DISC1: variants seen among roughly 807,000 people sequenced by gnomAD.
DISC1 encodes the protein disrupted in schizophrenia 1 protein.
In DISC1, 57 loss-of-function variants were observed where a neutral mutation model predicts 84.5. The ratio of observed to expected loss-of-function variants is 0.67; its 90% CI spans 0.55 to 0.84. DISC1 has a LOEUF of 0.84. Among genes scored for constraint, DISC1 ranks in the 40% least tolerant of loss-of-function variants. The pLI is 0.00. For synonymous variants in DISC1, 411 were observed against 415.2 expected (o/e 0.99, Z 0.12); for missense variants, 1,000 against 1,057.8 (o/e 0.95, Z 0.76).
intron 10 of DISC1, among the ~76,000 whole-genome samples, chr1:231,983,939 T>A (rs1185073672): frequency 6.6e-6 from 1 of 152,180 alleles, no homozygotes; most frequent in East Asian, 1.9e-4. Flanking sequence ...CCAATTCCAA[T>A]GAAATAGATA....
intron 6 of DISC1, among the ~76,000 whole-genome samples, chr1:231,775,265 A>C (rs2812389): frequency 6.6e-6 from 1 of 152,066 alleles, no homozygotes; most frequent in Admixed American, 6.5e-5. Context: ...CGACCCAACA[A>C]CTTGAAAAGA....
intron 9 of DISC1, among the ~76,000 whole-genome samples, chr1:231,918,861 G>A (rs2089817978): frequency 6.6e-6 from 1 of 152,138 alleles, no homozygotes; most frequent in African/African-American, 2.4e-5. Flanking sequence ...GCCCACCTCC[G>A]GAAACCACAG....
rs558308639 is a variant in DISC1, at chr1:231,878,965, G to C, written c.1981+60448G>C. 7.2e-4 allele frequency among the ~76,000 whole-genome samples: 110 copies of C among 152,284 alleles called. 1 individual carries two copies. Among genetic ancestry groups the C allele is most frequent in the Non-Finnish European group, 1.4e-3 (97 of 68,022 alleles). On this transcript the variant is annotated intron_variant, in intron 9 of 12. Transcript: ENST00000439617. ...TACTTATAGCCATAAATCACTGTGTGAATAGACCATGATTTAATTATCAGT... is the reference window on the plus strand; with the variant it reads ...TACTTATAGCCATAAATCACTGTGTCAATAGACCATGATTTAATTATCAGT...
rs2058627361 is a variant in DISC1 at position 231,630,463 on chromosome 1, C to A, written c.67+3529C>A. ...GTGAACCATTGCACCTGGCCAGAAT[C>A]ATTCTTTTGATAATAATGATGGTAA... On this transcript the variant is annotated intron_variant, in intron 1 of 12. Transcript: ENST00000439617. This position sits in a 1 kb window ranked among gnomAD's most constrained non-coding sequence, Gnocchi z 4.4. Among the ~76,000 whole-genome samples, 1 of 151,996 alleles carries A rather than the reference C, an allele frequency of 6.6e-6. No homozygotes were observed. The highest frequency in any genetic ancestry group is 2.1e-4 in the South Asian group (1 of 4,816).
rs776775277 is a variant in DISC1, at chr1:231,694,572, C to T, written c.814C>T (p.Arg272Trp). Reference sequence around the variant, plus strand: ...TCGGCCCTTCAGTCTCTTGGCTACACGGGTCTCTGCAGACTTGGCCCAGGC... The same window carrying T: ...TCGGCCCTTCAGTCTCTTGGCTACATGGGTCTCTGCAGACTTGGCCCAGGC... Reference protein sequence around the residue: ...LSRPFSLLATRVSADLAQAAR... With the variant: ...LSRPFSLLATWVSADLAQAAR... The change falls in exon 2 of 13, where the codon CGG (arginine) becomes TGG (tryptophan). Residue 272 changes from arginine (R) to tryptophan (W), a missense_variant. Coordinates refer to ENST00000439617, the MANE Select transcript of DISC1 (RefSeq NM_018662.3). 34 of 1,614,238 alleles carry T rather than the reference C, an allele frequency of 2.1e-5. No homozygotes were observed. Among genetic ancestry groups the T allele is most frequent in the South Asian group, 1.1e-4 (10 of 91,088 alleles).
chr1:231,985,329 C>A (rs930517608), intron 10 of DISC1, among the ~76,000 whole-genome samples: 6 of 128,988 alleles, frequency 4.7e-5, no homozygotes, highest in Admixed American at 3.6e-4. Context: ...TCCATCCCCC[C>A]ACCCACCAAA....
At chr1:232,029,232 C>T (rs1005995263) in intron 12 of DISC1, among the ~76,000 whole-genome samples, 2 of 152,214 alleles carry the variant, frequency 1.3e-5, no homozygotes, top group African/African-American at 4.8e-5. Context: ...ATCTACACCA[C>T]GATATGGATT....
chr1:232,004,920 C>T (rs1345609437), intron 10 of DISC1, among the ~76,000 whole-genome samples: 3 of 119,156 alleles, frequency 2.5e-5, no homozygotes, highest in African/African-American at 3.2e-5. Flanking sequence ...TTCCTTCCTT[C>T]TTCCCTTCCT....
At chr1:231,925,402 C>T (rs1023702201) in intron 9 of DISC1, among the ~76,000 whole-genome samples, 34 of 152,140 alleles carry the variant, frequency 2.2e-4, no homozygotes, top group Non-Finnish European at 4.3e-4. Flanking sequence ...ATTCAGAGTT[C>T]CCTTGTACTG....
intron 12 of DISC1, 61 bp from the exon 13 acceptor site, chr1:232,036,631 C>A (rs1276057056): frequency 7.0e-7 from 1 of 1,422,092 alleles, no homozygotes; most frequent in South Asian, 1.9e-5. Context: ...GCTCTTCGAT[C>A]CCTCGGAGGC....
Position 231,701,699 on chromosome 1 carries a change from TTTTTG to T in DISC1, c.1048-252_1048-248del, listed in dbSNP as rs2066440555. Among the ~76,000 whole-genome samples the T allele has an allele frequency of 5.9e-5, 9 of 152,330 alleles. No homozygotes were observed. In the South Asian group the frequency reaches 1.9e-3, roughly 32 times the overall value. On this transcript the variant is annotated intron_variant, in intron 2 of 12. Transcript: ENST00000439617. ...ATGCAGATGAGGGCACAGTGTGATG[TTTTTG>T]TTTAAAATAAAATAACATTTTAACT...
intron 6 of DISC1, among the ~76,000 whole-genome samples, chr1:231,773,214 A>C (rs1192278724): frequency 6.6e-6 from 1 of 152,126 alleles, no homozygotes; most frequent in Non-Finnish European, 1.5e-5. Flanking sequence ...CTCATCTAAA[A>C]CTAGGAGCTC....
intron 1 of DISC1, among the ~76,000 whole-genome samples, chr1:231,652,328 A>G (rs772094829): frequency 1.3e-5 from 2 of 152,138 alleles, no homozygotes; most frequent in Non-Finnish European, 2.9e-5. Context: ...TATTGTTATT[A>G]TTGTGTTATT....
chr1:231,702,210 A>G, intron 3 of DISC1, 186 bp downstream of exon 3: 2 of 1,345,562 alleles, frequency 1.5e-6, no homozygotes, highest in Non-Finnish European at 1.9e-6. Flanking sequence ...CTTCATGAAC[A>G]TTAATCCTTT....
intron 4 of DISC1, among the ~76,000 whole-genome samples, chr1:231,762,435 A>G (rs886794951): frequency 6.6e-6 from 1 of 151,296 alleles, no homozygotes; most frequent in Admixed American, 6.6e-5. Flanking sequence ...CCTGGGCTCA[A>G]GTGATCCTGC....
chr1:231,969,602 T>C (rs1572406325), intron 10 of DISC1, among the ~76,000 whole-genome samples: 1 of 150,768 alleles, frequency 6.6e-6, no homozygotes, highest in Non-Finnish European at 1.5e-5. Flanking sequence ...TTCTTTCTTT[T>C]TTTTTTTTTT....
intron 3 of DISC1, among the ~76,000 whole-genome samples, chr1:231,705,028 A>G (rs2066888333): frequency 6.6e-6 from 1 of 151,746 alleles, no homozygotes; most frequent in African/African-American, 2.4e-5. Context: ...GCTATACATA[A>G]TATGTCCCTT....
chr1:231,900,431 G>A (rs1263742310), intron 9 of DISC1, among the ~76,000 whole-genome samples: 1 of 152,176 alleles, frequency 6.6e-6, no homozygotes, highest in African/African-American at 2.4e-5. Flanking sequence ...ATTGGCCTAC[G>A]TGGTTCACTA....
In DISC1 at chr1:231,954,272, A is replaced by G. The variant is rs984050010; in HGVS notation, c.1982-4556A>G. On this transcript the variant is annotated intron_variant, in intron 9 of 12. Transcript: ENST00000439617. This position sits in a 1 kb window ranked among gnomAD's most constrained non-coding sequence, Gnocchi z 4.8. ...TCCCTGGAAGCCGTGTCCTTTTTCTATTTAATTAGTGCCAAGTATATGGTC... is the reference window on the plus strand; with the variant it reads ...TCCCTGGAAGCCGTGTCCTTTTTCTGTTTAATTAGTGCCAAGTATATGGTC... 1.3e-5 allele frequency among the ~76,000 whole-genome samples: 2 copies of G among 152,132 alleles called. No individual in the cohort carries two copies. The highest frequency in any genetic ancestry group is 2.4e-5 in the African/African-American group (1 of 41,416).
Sources: allele counts gnomAD v4.1 joint callset (sites outside exome capture counted in the v4.1 genomes callset), GRCh38; gene constraint gnomAD v4.1.1; non-coding constraint Gnocchi (gnomAD v3.1); transcripts MANE v1.5; gene names NCBI Gene and HGNC (gene_info 2026-07-23, HGNC 2026-07-21).